Variants in NFIB observed in about 807,000 individuals in gnomAD.
The protein encoded by NFIB is nuclear factor I B.
Under a neutral mutation model 61.5 loss-of-function variants are expected in NFIB, and 11 were observed. The ratio of observed to expected loss-of-function variants is 0.18; its 90% CI spans 0.11 to 0.30. The LOEUF (loss-of-function observed/expected upper bound fraction) is 0.30. Ranked by LOEUF, NFIB falls within the 10% of genes least tolerant of loss-of-function variation. The pLI is 1.00. For missense variants in NFIB, 471 were observed against 608.9 expected (o/e 0.77, Z 2.38); for synonymous variants, 260 against 216.5 (o/e 1.20, Z -1.76).
chr9:14,415,058 C>T, the NFIB span, among the ~76,000 whole-genome samples: 8 of 152,204 alleles, frequency 5.3e-5, no homozygotes, highest in Non-Finnish European at 1.0e-4. Context: ...AGCTCAGGAT[C>T]CCATAAGACT....
chr9:14,092,233 G>T (rs1424528813), intron 10 of NFIB, among the ~76,000 whole-genome samples: 1 of 152,108 alleles, frequency 6.6e-6, no homozygotes, highest in Admixed American at 6.6e-5. Flanking sequence ...AGCAGTTGAT[G>T]TGGAAAGGAA....
intron 2 of NFIB, among the ~76,000 whole-genome samples, chr9:14,265,528 T>C (rs957591416): frequency 3.9e-5 from 6 of 152,188 alleles, no homozygotes; most frequent in Admixed American, 2.6e-4. Flanking sequence ...AAAATCTACC[T>C]TGCCAGTGCC....
intron 1 of NFIB, among the ~76,000 whole-genome samples, chr9:14,347,892 C>G (rs1023208444): frequency 1.3e-5 from 2 of 152,154 alleles, no homozygotes; most frequent in African/African-American, 4.8e-5. Flanking sequence ...GCCGAGCGCG[C>G]GCGCGCGCCA....
chr9:14,181,038 G>A (rs955285554), intron 2 of NFIB, among the ~76,000 whole-genome samples: 10 of 152,116 alleles, frequency 6.6e-5, no homozygotes, highest in Non-Finnish European at 1.3e-4. Context: ...ATCATATGCT[G>A]GTTTTTTTCA....
At chr9:14,114,078 A>G (rs1397715706) in intron 9 of NFIB, among the ~76,000 whole-genome samples, 1 of 152,218 alleles carries the variant, frequency 6.6e-6, no homozygotes, top group Admixed American at 6.5e-5. Flanking sequence ...TTAATGAGGA[A>G]TCCAGGCTTC....
intron 3 of NFIB, among the ~76,000 whole-genome samples, chr9:14,171,048 C>G (rs2045513139): frequency 1.3e-5 from 2 of 152,158 alleles, no homozygotes; most frequent in African/African-American, 4.8e-5. Flanking sequence ...TGAACGAGTC[C>G]TTTCTCTGAC....
intron 1 of NFIB, among the ~76,000 whole-genome samples, chr9:14,342,349 G>T (rs1394852265): frequency 6.6e-6 from 1 of 152,116 alleles, no homozygotes; most frequent in African/African-American, 2.4e-5. Context: ...CTTAGGAACT[G>T]AAAACTGGGG....
chr9:14,423,831 T>G, the NFIB span, among the ~76,000 whole-genome samples: 1 of 152,228 alleles, frequency 6.6e-6, no homozygotes, highest in African/African-American at 2.4e-5. Flanking sequence ...TGGGGAACTG[T>G]GCAGTAATCT....
the NFIB span, among the ~76,000 whole-genome samples, chr9:14,462,277 T>TTTTTTTC: frequency 6.6e-6 from 1 of 151,974 alleles, no homozygotes; most frequent in Non-Finnish European, 1.5e-5. Flanking sequence ...CTTTTTTTTC[T>TTTTTTTC]TTTTTTCTTT....
intron 6 of NFIB, among the ~76,000 whole-genome samples, chr9:14,138,042 CAAT>C (rs2041268109): frequency 6.6e-6 from 1 of 152,078 alleles, no homozygotes; most frequent in South Asian, 2.1e-4. Context: ...TATTATATAG[CAAT>C]AACGAGCATG....
chr9:14,139,800 T>C (rs982287317), intron 6 of NFIB, among the ~76,000 whole-genome samples: 1 of 152,192 alleles, frequency 6.6e-6, no homozygotes, highest in African/African-American at 2.4e-5. Flanking sequence ...AATTTATTGT[T>C]TTCCTTTCCA....
chr9:14,372,416 T>G (rs1389086222), intron 1 of NFIB, among the ~76,000 whole-genome samples: 1 of 152,218 alleles, frequency 6.6e-6, no homozygotes, highest in Non-Finnish European at 1.5e-5. Flanking sequence ...TCTAAACCAC[T>G]GATCGAAATA....
chr9:14,355,690 C>G (rs192211430), intron 1 of NFIB, among the ~76,000 whole-genome samples: 1 of 152,360 alleles, frequency 6.6e-6, no homozygotes, highest in Admixed American at 6.5e-5. Context: ...GCTGCAGTGG[C>G]TCACGCCTGT....
the NFIB span, among the ~76,000 whole-genome samples, chr9:14,419,569 C>T: frequency 3.9e-5 from 6 of 152,320 alleles, no homozygotes; most frequent in South Asian, 8.3e-4. Flanking sequence ...AATTTTGCAA[C>T]GAGCCCTGTT....
chr9:14,110,816 G>T (rs2037240811), intron 10 of NFIB, among the ~76,000 whole-genome samples: 1 of 151,962 alleles, frequency 6.6e-6, no homozygotes, highest in Non-Finnish European at 1.5e-5. Flanking sequence ...AGCATGATAT[G>T]CATTTATTTA....
At chr9:14,259,217 A>T (rs913816437) in intron 2 of NFIB, among the ~76,000 whole-genome samples, 6 of 152,232 alleles carry the variant, frequency 3.9e-5, no homozygotes, top group Admixed American at 3.9e-4. Context: ...CACTGAAAAA[A>T]GAAGTCAATT....
chr9:14,298,644 G>A (rs531403943), intron 2 of NFIB, among the ~76,000 whole-genome samples: 12 of 152,102 alleles, frequency 7.9e-5, no homozygotes, highest in South Asian at 4.1e-4. Context: ...TACTGCAGAC[G>A]GACGCCTTGA....
chr9:14,528,066 T>C, the NFIB span, among the ~76,000 whole-genome samples: 7 of 152,290 alleles, frequency 4.6e-5, no homozygotes, highest in South Asian at 1.4e-3. Flanking sequence ...TATCAGAGGA[T>C]CTATTAATTT....
chr9:14,295,567 C>T (rs2059387867), intron 2 of NFIB, among the ~76,000 whole-genome samples: 1 of 152,050 alleles, frequency 6.6e-6, no homozygotes, highest in Non-Finnish European at 1.5e-5. Context: ...GGAGGCGGAG[C>T]TTACAGTGAG....
Sources: allele counts gnomAD v4.1 joint callset (sites outside exome capture counted in the v4.1 genomes callset), GRCh38; gene constraint gnomAD v4.1.1; transcripts MANE v1.5; gene names NCBI Gene and HGNC (gene_info 2026-07-23, HGNC 2026-07-21).